PCDHGB3: variants seen among roughly 807,000 people sequenced by gnomAD.
PCDHGB3 encodes the protein protocadherin gamma-B3.
In PCDHGB3, 40 loss-of-function variants were observed where a neutral mutation model predicts 59.2. The ratio of observed to expected loss-of-function variants is 0.68; its 90% CI spans 0.52 to 0.88. The LOEUF is 0.88. Ranked by LOEUF, PCDHGB3 falls within the 40% of genes least tolerant of loss-of-function variation. PCDHGB3 has a pLI of 0.00. For missense variants in PCDHGB3, 1,309 were observed against 1,187.9 expected, an observed-to-expected ratio of 1.10 and a Z score of -1.50; for synonymous variants, 581 against 503.6, an observed-to-expected ratio of 1.15 and a Z score of -2.06.
At chr5:141,377,979 G>A (rs887213407) in intron 1 of PCDHGB3, 1 of 152,086 alleles carries the variant, frequency 6.6e-6, no homozygotes, top group African/African-American at 2.4e-5. Context: ...ATGTTCCTGG[G>A]TTGCAATCCT....
chr5:141,438,631 TATATAC>T (rs1271580663), intron 1 of PCDHGB3, among the ~76,000 whole-genome samples: 5,390 of 42,476 alleles, frequency 0.13, 146 homozygotes, highest in Non-Finnish European at 0.16. Context: ...TATATATATA[TATATAC>T]ACACACACAC....
At chr5:141,401,159 T>G (rs2094122338) in intron 1 of PCDHGB3, among the ~76,000 whole-genome samples, 1 of 152,076 alleles carries the variant, frequency 6.6e-6, no homozygotes, top group Admixed American at 6.6e-5. Context: ...CTGGGCAATA[T>G]GGTGAAAACC....
At chr5:141,462,271 G>C (rs2099036316) in intron 1 of PCDHGB3, among the ~76,000 whole-genome samples, 1 of 152,174 alleles carries the variant, frequency 6.6e-6, no homozygotes, top group African/African-American at 2.4e-5. Context: ...AAAGTGTATT[G>C]TTTAGTCACC....
Position 141,389,889 on chromosome 5 carries a change from G to A in PCDHGB3, c.2415+17080G>A. ...GGTCTTCGCCGACAGCTTGCAGGAG[G>A]TGCTGCCGGATATCACTGACCGCCC... On this transcript the variant is annotated intron_variant, in intron 1 of 3. Transcript: ENST00000576222. 1.9e-6 allele frequency: 3 copies of A among 1,614,086 alleles called. No homozygotes were observed. Among genetic ancestry groups the A allele is most frequent in the Admixed American group, 1.7e-5 (1 of 60,034 alleles).
chr5:141,389,360 T>C (rs1245411453), intron 1 of PCDHGB3: 4 of 1,613,742 alleles, frequency 2.5e-6, no homozygotes, highest in South Asian at 1.1e-5. Flanking sequence ...TCATGGCCAG[T>C]GACCTGGAGC....
intron 1 of PCDHGB3, chr5:141,478,354 C>G (rs141625672): frequency 2.8e-5 from 45 of 1,613,660 alleles, no homozygotes; most frequent in Non-Finnish European, 3.2e-5. Flanking sequence ...ACGCGGACGC[C>G]GTGCGGGGAG....
At position 141,393,547 on chromosome 5, in the gene PCDHGB3, C is replaced by G. The variant is rs761723933; in HGVS notation, c.2415+20738C>G. 11 of 1,613,820 alleles carry G rather than the reference C, an allele frequency of 6.8e-6. No homozygotes were observed. The African/African-American group carries it at 9.3e-5, about 14-fold the overall frequency. On this transcript the variant is annotated intron_variant, in intron 1 of 3. Transcript: ENST00000576222. ...GACAATGCCCCGGTTTTTCCTCACCCGATTTACCGAGTGAAAGTCCTTGAG... is the reference window on the plus strand; with the variant it reads ...GACAATGCCCCGGTTTTTCCTCACCGGATTTACCGAGTGAAAGTCCTTGAG...
intron 1 of PCDHGB3, chr5:141,413,580 A>G (rs1216926250): frequency 5.0e-6 from 8 of 1,613,804 alleles, no homozygotes; most frequent in Non-Finnish European, 1.7e-6. Context: ...ACAATGCTCC[A>G]AAATTCCAAG....
At chr5:141,474,892 A>G (rs1419975508) in intron 1 of PCDHGB3, among the ~76,000 whole-genome samples, 1 of 152,208 alleles carries the variant, frequency 6.6e-6, no homozygotes, top group Non-Finnish European at 1.5e-5. Context: ...TTAGAGGTTC[A>G]TTTCTTGTTC....
At position 141,454,796 on chromosome 5, in the gene PCDHGB3, A is replaced by ATT. The variant is rs61612330; in HGVS notation, c.2416-39983_2416-39982dup. On this transcript the variant is annotated intron_variant, in intron 1 of 3. Coordinates refer to ENST00000576222, the MANE Select transcript of PCDHGB3 (RefSeq NM_018924.5). Reference sequence around the variant, plus strand: ...AAGGAAATAATCCTCCATGGTTCTAATTTTTTTTTTTTTTTTTTTTTTTTT... The same window carrying ATT: ...AAGGAAATAATCCTCCATGGTTCTAATTTTTTTTTTTTTTTTTTTTTTTTTTT... 6.7e-3 allele frequency among the ~76,000 whole-genome samples: 521 copies of ATT among 77,456 alleles called. 71 individuals are homozygous for ATT. The highest frequency in any genetic ancestry group is 0.017 in the Middle Eastern group (2 of 120). The allele number at this position is 77,456 out of a possible 152,430, so 50.8% of individuals were successfully genotyped here.
At chr5:141,447,027 T>TG (rs563674341) in intron 1 of PCDHGB3, among the ~76,000 whole-genome samples, 103 of 152,252 alleles carry the variant, frequency 6.8e-4, no homozygotes, top group South Asian at 2.3e-3. Flanking sequence ...TGTTTTGTTT[T>TG]TTTTCTGTGT....
At chr5:141,441,340 C>T (rs2098240395) in intron 1 of PCDHGB3, 1 of 152,330 alleles carries the variant, frequency 6.6e-6, no homozygotes, top group Non-Finnish European at 1.5e-5. Flanking sequence ...CAATAATTAA[C>T]TACATGCTTG....
At chr5:141,375,066 G>C (rs1463444937) in intron 1 of PCDHGB3, 2 of 1,613,990 alleles carry the variant, frequency 1.2e-6, no homozygotes, top group East Asian at 2.2e-5. Flanking sequence ...CCAGGTCTTC[G>C]AGACAGAGCG....
At position 141,414,031 on chromosome 5, in the gene PCDHGB3, C is replaced by G. The variant is rs900884760; in HGVS notation, c.2415+41222C>G. The G allele has an allele frequency of 1.2e-6, 2 of 1,611,740 alleles. No homozygotes were observed. The highest frequency in any genetic ancestry group is 2.7e-5 in the African/African-American group (2 of 74,762). On this transcript the variant is annotated intron_variant, in intron 1 of 3. Coordinates refer to ENST00000576222, the MANE Select transcript of PCDHGB3 (RefSeq NM_018924.5). ...CAATGGAGAAGTGACATATTCATTC[C>G]GAAAATTACCTGACACGCAATTGTT... is the stretch of plus-strand genomic sequence containing the variant.
Position 141,414,833 on chromosome 5 carries a change from G to A in PCDHGB3, c.2415+42024G>A, listed in dbSNP as rs768992312. On this transcript the variant is annotated intron_variant, in intron 1 of 3. Coordinates refer to ENST00000576222, the MANE Select transcript of PCDHGB3 (RefSeq NM_018924.5). ...CCACTCAGCAGCAACGTGTCGTTGAGCCTGTTTGTGCTGGACCAGAACGAC... is the reference window on the plus strand; with the variant it reads ...CCACTCAGCAGCAACGTGTCGTTGAACCTGTTTGTGCTGGACCAGAACGAC... 1.9e-6 allele frequency: 3 copies of A among 1,614,098 alleles called. No homozygotes were observed. In the East Asian group the frequency reaches 6.7e-5, roughly 36 times the overall value.
At chr5:141,383,473 C>A (rs764928203) in intron 1 of PCDHGB3, 1 of 1,613,568 alleles carries the variant, frequency 6.2e-7, no homozygotes, top group African/African-American at 1.3e-5. Flanking sequence ...AACTAAGTAC[C>A]CGGAACTGGT....
At chr5:141,402,037 G>A (rs749684542) in intron 1 of PCDHGB3, among the ~76,000 whole-genome samples, 24 of 152,118 alleles carry the variant, frequency 1.6e-4, no homozygotes, top group Non-Finnish European at 2.9e-4. Flanking sequence ...CACAGTCTGT[G>A]CATGCATTAC....
chr5:141,420,311 T>G (rs762191274), intron 1 of PCDHGB3: 1 of 1,454,814 alleles, frequency 6.9e-7, no homozygotes, highest in Non-Finnish European at 9.3e-7. Flanking sequence ...CTTTTTATAT[T>G]ACAATATGCC....
chr5:141,419,321 T>G, intron 1 of PCDHGB3: 1 of 1,613,950 alleles, frequency 6.2e-7, no homozygotes, highest in Non-Finnish European at 8.5e-7. Context: ...CGGCCGTGTC[T>G]CCTACTCTCT....
Sources: gnomAD v4.1 joint callset for allele counts (sites outside exome capture counted in the v4.1 genomes callset) on GRCh38, gnomAD v4.1.1 for gene constraint, MANE v1.5 for transcripts, NCBI Gene and HGNC (gene_info 2026-07-23, HGNC 2026-07-21) for gene names.